SETBP1: variants seen among roughly 807,000 people sequenced by gnomAD.
The protein encoded by SETBP1 is SET-binding protein.
Under a neutral mutation model 101.0 loss-of-function variants are expected in SETBP1, and 9 were observed. The observed-to-expected ratio is 0.09, with a 90% CI of 0.05 to 0.16. The LOEUF (loss-of-function observed/expected upper bound fraction) is 0.16, where lower values mean the gene tolerates loss of function less well. Ranked by LOEUF, SETBP1 falls within the 10% of genes least tolerant of loss-of-function variation. The pLI, the probability that SETBP1 is intolerant of heterozygous loss-of-function variation, is 1.00. For synonymous variants in SETBP1, 818 were observed against 788.5 expected (o/e 1.04, Z -0.63); for missense variants, 1,858 against 2,033.8 (o/e 0.91, Z 1.66).
At chr18:45,054,028 C>T (rs764172371) in intron 5 of SETBP1, among the ~76,000 whole-genome samples, 1 of 152,170 alleles carries the variant, frequency 6.6e-6, no homozygotes, top group Non-Finnish European at 1.5e-5. Flanking sequence ...TTCTATCCAG[C>T]CTTCCATGTT....
chr18:44,699,765 G>A (rs1421534200), intron 1 of SETBP1, among the ~76,000 whole-genome samples: 1 of 152,250 alleles, frequency 6.6e-6, no homozygotes, highest in African/African-American at 2.4e-5. Flanking sequence ...CTTCTCTGGG[G>A]AGCAGGGTCC....
chr18:44,931,410 A>G lies in SETBP1; in HGVS notation c.541-18471A>G, dbSNP rs543794420. Among the ~76,000 whole-genome samples the G allele has an allele frequency of 2.0e-5, 3 of 152,294 alleles. No homozygotes were observed. In the South Asian group the frequency reaches 6.2e-4, roughly 32 times the overall value. ...TGATGTGGTGCTGAGAAAAATGTAT[A>G]TTCTGTTGATTTGGGGTGGAGACTT... On this transcript the variant is annotated intron_variant, in intron 3 of 5. Coordinates refer to ENST00000649279, the MANE Select transcript of SETBP1 (RefSeq NM_015559.3).
At chr18:44,690,638 C>T (rs762428630) in intron 1 of SETBP1, among the ~76,000 whole-genome samples, 14 of 152,190 alleles carry the variant, frequency 9.2e-5, no homozygotes, top group Non-Finnish European at 1.6e-4. Context: ...GTTCAAATAA[C>T]ATTTGGAGTC....
At chr18:44,906,819 C>T (rs2070186126) in intron 3 of SETBP1, among the ~76,000 whole-genome samples, 1 of 152,038 alleles carries the variant, frequency 6.6e-6, no homozygotes, top group Admixed American at 6.5e-5. Context: ...CTTGATAATG[C>T]TCTTAAACCC....
At chr18:44,694,539 C>T (rs574848786) in intron 1 of SETBP1, among the ~76,000 whole-genome samples, 5 of 152,304 alleles carry the variant, frequency 3.3e-5, no homozygotes, top group African/African-American at 1.2e-4. Flanking sequence ...CAACTTAATG[C>T]CACTGAATGT....
intron 3 of SETBP1, chr18:44,877,066 G>A: frequency 2.8e-6 from 3 of 1,059,248 alleles, no homozygotes; most frequent in Non-Finnish European, 1.1e-6. Flanking sequence ...TACTCTCTAG[G>A]CCTTTTTTCT....
In SETBP1 at chr18:44,877,766, AT is replaced by A. The variant is rs202025141; in HGVS notation, c.540+8494del. ...CTTACCTTGACTGTGTTTTTAGTGG[AT>A]TTTTTTTTTTAACCAGTATTGGCAT... On this transcript the variant is annotated intron_variant, in intron 3 of 5. Coordinates refer to ENST00000649279, the MANE Select transcript of SETBP1 (RefSeq NM_015559.3). Among the ~76,000 whole-genome samples, 942 of 148,328 alleles carry A rather than the reference AT, an allele frequency of 6.4e-3. 19 individuals are homozygous for A. The highest frequency in any genetic ancestry group is 0.035 in the Admixed American group (523 of 14,892).
At chr18:44,697,155 A>G (rs1212852367) in intron 1 of SETBP1, 1 of 152,050 alleles carries the variant, frequency 6.6e-6, no homozygotes, top group Non-Finnish European at 1.5e-5. Context: ...GGCTTCCCCA[A>G]CTCTGAGTGC....
At chr18:44,992,347 T>G (rs2072397317) in intron 4 of SETBP1, among the ~76,000 whole-genome samples, 2 of 152,042 alleles carry the variant, frequency 1.3e-5, no homozygotes, top group African/African-American at 4.8e-5. Flanking sequence ...TTTTAAAAAA[T>G]TGCTTCTCAG....
intron 4 of SETBP1, chr18:44,988,950 A>T (rs1035719162): frequency 3.9e-5 from 6 of 152,206 alleles, no homozygotes; most frequent in African/African-American, 1.2e-4. Context: ...GTTTGGTGGA[A>T]CCCTTAGGCA....
chr18:44,757,069 T>G (rs537789152), intron 2 of SETBP1, among the ~76,000 whole-genome samples: 1 of 152,160 alleles, frequency 6.6e-6, no homozygotes, highest in South Asian at 2.1e-4. Context: ...CTGTATAATT[T>G]AGTTCACGTA....
At chr18:45,038,037 G>A (rs539841887) in intron 4 of SETBP1, among the ~76,000 whole-genome samples, 74 of 152,218 alleles carry the variant, frequency 4.9e-4, no homozygotes, top group African/African-American at 1.7e-3. Context: ...AAGCCTGCAC[G>A]AGCTTGCTGT....
intron 4 of SETBP1, among the ~76,000 whole-genome samples, 172 bp downstream of exon 4, chr18:44,953,512 C>T (rs1468504918): frequency 6.6e-6 from 1 of 152,200 alleles, no homozygotes; most frequent in Non-Finnish European, 1.5e-5. Flanking sequence ...ACATTGTTTA[C>T]TTGGTATTTA....
chr18:44,792,696 A>T lies in SETBP1; in HGVS notation c.487-76534A>T, dbSNP rs112619542. Among the ~76,000 whole-genome samples, 5 of 152,136 alleles carry T rather than the reference A, an allele frequency of 3.3e-5. No individual in the cohort carries two copies. The East Asian group carries it at 7.7e-4, about 23-fold the overall frequency. ...ATGCACACCACACAGACAAAGTAGGAATATGCTTTTTGATGTTGGCTGGTT... is the reference window on the plus strand; with the variant it reads ...ATGCACACCACACAGACAAAGTAGGTATATGCTTTTTGATGTTGGCTGGTT... On this transcript the variant is annotated intron_variant, in intron 2 of 5. Transcript: ENST00000649279.
intron 2 of SETBP1, among the ~76,000 whole-genome samples, chr18:44,744,865 G>C (rs1439995941): frequency 6.6e-6 from 1 of 152,004 alleles, no homozygotes. Flanking sequence ...CCCCTCATTC[G>C]AGGCTTCGAT....
At chr18:44,762,343 A>G (rs2144593618) in intron 2 of SETBP1, among the ~76,000 whole-genome samples, 1 of 152,304 alleles carries the variant, frequency 6.6e-6, no homozygotes, top group Middle Eastern at 3.4e-3. Context: ...TGTTATCTGG[A>G]CTGTACAACC....
chr18:44,980,146 G>C (rs1167705481), intron 4 of SETBP1, among the ~76,000 whole-genome samples: 1 of 152,222 alleles, frequency 6.6e-6, no homozygotes, highest in Non-Finnish European at 1.5e-5. Context: ...GATAAGTACT[G>C]AGTATAGAAT....
intron 4 of SETBP1, among the ~76,000 whole-genome samples, chr18:44,961,141 G>A (rs2071602046): frequency 6.6e-6 from 1 of 152,308 alleles, no homozygotes; most frequent in South Asian, 2.1e-4. Context: ...AGGAAGGAGG[G>A]TGGAAGAGAT....
intron 3 of SETBP1, among the ~76,000 whole-genome samples, chr18:44,948,620 T>G (rs1040957055): frequency 1.3e-5 from 2 of 152,204 alleles, no homozygotes; most frequent in Admixed American, 6.5e-5. Flanking sequence ...TTACTAATAT[T>G]TTCTCTGTTT....
Sources: gnomAD v4.1 joint callset for allele counts (sites outside exome capture counted in the v4.1 genomes callset) on GRCh38, gnomAD v4.1.1 for gene constraint, MANE v1.5 for transcripts, NCBI Gene and HGNC (gene_info 2026-07-23, HGNC 2026-07-21) for gene names.